CLCN7: variants seen among roughly 807,000 people sequenced by gnomAD.
The protein encoded by CLCN7 is Cl-/H+ antiporter 7, also known as H(+)/Cl(-) exchange transporter 7.
CLCN7 carries 60 observed loss-of-function variants against 102.1 expected under a neutral mutation model. The observed-to-expected ratio is 0.59, with a 90% CI of 0.48 to 0.73. CLCN7 has a LOEUF of 0.73. Ranked by LOEUF, CLCN7 falls within the 30% of genes least tolerant of loss-of-function variation. The pLI is 0.00. For synonymous variants in CLCN7, 560 were observed against 490.5 expected (o/e 1.14, Z -1.87); for missense variants, 962 against 1,125.7 (o/e 0.85, Z 2.08).
chr16:1,467,143 C>T (rs908159870), intron 1 of CLCN7, among the ~76,000 whole-genome samples: 1 of 152,154 alleles, frequency 6.6e-6, no homozygotes, highest in African/African-American at 2.4e-5. Flanking sequence ...CTCCTCTCCC[C>T]AGGCAAAGAG....
intron 16 of CLCN7, 34 bp downstream of exon 16, chr16:1,451,587 TCC>T: frequency 6.4e-7 from 1 of 1,565,260 alleles, no homozygotes; most frequent in Non-Finnish European, 8.8e-7. Flanking sequence ...CAGGCCCTGA[TCC>T]CAGGGCCTGC....
In CLCN7 at chr16:1,448,469, T is replaced by C. The variant is rs775612917; in HGVS notation, c.1899A>G (p.Thr633=). The part of the protein sequence containing the change: ...HSLTAREVMS[T]PVTCLRRREK... ...CACGCCGCCTCAGGCAGGTCACTGG[T>C]GTGCTCATCACCTCCCTGCCGGAGG... Residue 633 remains threonine, a synonymous_variant, in exon 21 of 25, where the codon ACA becomes ACG. Transcript: ENST00000382745. 4 of 1,610,664 alleles carry C rather than the reference T, an allele frequency of 2.5e-6. No homozygotes were observed. Among genetic ancestry groups the C allele is most frequent in the Admixed American group, 3.3e-5 (2 of 60,014 alleles).
intron 6 of CLCN7, 196 bp from the exon 7 acceptor site, chr16:1,459,383 G>C (rs2038895223): frequency 5.6e-6 from 3 of 532,500 alleles, no homozygotes; most frequent in Admixed American, 3.2e-5. Context: ...GGGAAGGGGA[G>C]AGCAGCGCAC....
intron 17 of CLCN7, chr16:1,450,155 C>A: frequency 2.6e-6 from 1 of 386,002 alleles, no homozygotes; most frequent in Non-Finnish European, 4.9e-6. Context: ...AGAGAGCAGC[C>A]CTGGCCGGAC....
rs557696766 is a variant in CLCN7 at position 1,463,885 on chromosome 16, C to T, written c.213+1382G>A. ...CACCTCCTGGGCTCAAGTGATCCTC[C>T]AACCTCAGCCTCCCAAGTAGCTGGG... On this transcript the variant is annotated intron_variant, in intron 2 of 24. Transcript: ENST00000382745. Among the ~76,000 whole-genome samples, 128 of 152,250 alleles carry T rather than the reference C, an allele frequency of 8.4e-4. 1 individual carries two copies. The highest frequency in any genetic ancestry group is 2.9e-3 in the African/African-American group (120 of 41,548).
At chr16:1,466,683 T>C (rs2039009611) in intron 1 of CLCN7, 1 of 152,148 alleles carries the variant, frequency 6.6e-6, no homozygotes, top group African/African-American at 2.4e-5. Context: ...CGGGGTACAG[T>C]GGCTCATGCC....
chr16:1,445,995 C>T lies in CLCN7; in HGVS notation c.*636G>A, dbSNP rs1212473317. The T allele has an allele frequency of 7.9e-6, 4 of 503,838 alleles. No homozygotes were observed. The Admixed American group carries it at 1.5e-4, about 18-fold the overall frequency. 31.2% of individuals were successfully genotyped at this position (503,838 alleles called of 1,614,324 possible). ...ACAGGGCCCGTGAGTCACCCCAGTC[C>T]TCTGGGCCTGTGTACCCAAGCCGGA... On this transcript the variant is annotated 3_prime_UTR_variant, in exon 25 of 25. Transcript: ENST00000382745.
At chr16:1,462,519 G>T (rs1265925879) in intron 2 of CLCN7, among the ~76,000 whole-genome samples, 1 of 151,448 alleles carries the variant, frequency 6.6e-6, no homozygotes, top group African/African-American at 2.4e-5. Flanking sequence ...GGGATTACAG[G>T]TGTGCACCAC....
intron 21 of CLCN7, 107 bp downstream of exon 21, chr16:1,448,248 A>C (rs2038684501): frequency 6.8e-7 from 1 of 1,462,970 alleles, no homozygotes; most frequent in Admixed American, 1.8e-5. Context: ...CTGCCAGTGC[A>C]CCCAAACGTG....
chr16:1,468,913 G>A (rs1241731126), intron 1 of CLCN7, among the ~76,000 whole-genome samples: 1 of 152,022 alleles, frequency 6.6e-6, no homozygotes, highest in Non-Finnish European at 1.5e-5. Context: ...AAAAAGGGCT[G>A]GGCACAGTGG....
Position 1,449,056 on chromosome 16 carries a change from G to A in CLCN7, c.1707C>T (p.Ile569=), listed in dbSNP as rs765883547. 1.2e-6 allele frequency: 2 copies of A among 1,612,882 alleles called. No individual in the cohort carries two copies. The highest frequency in any genetic ancestry group is 1.7e-6 in the Non-Finnish European group (2 of 1,180,018). The change falls in exon 19 of 25, where the codon ATC becomes ATT. Residue 569 remains isoleucine (I), a synonymous_variant. Transcript: ENST00000382745. ...IVRMTLSLTV[I]MMEATSNVTY... ...TCACGTTGCTGGTGGCCTCCATCAT[G>A]ATGACGGTCAGGCTCAGTGTCATCC...
chr16:1,452,432 G>C, intron 15 of CLCN7: 1 of 403,086 alleles, frequency 2.5e-6, no homozygotes, highest in Admixed American at 3.9e-5. Flanking sequence ...TGTGGACGGA[G>C]GTTTGCATTT....
At chr16:1,473,779 T>G (rs189130125) in intron 1 of CLCN7, among the ~76,000 whole-genome samples, 10 of 152,186 alleles carry the variant, frequency 6.6e-5, no homozygotes, top group Admixed American at 3.9e-4. Flanking sequence ...AAACGGTCCA[T>G]TAACTCAAAA....
intron 10 of CLCN7, 84 bp downstream of exon 10, chr16:1,456,029 G>T: frequency 8.3e-7 from 1 of 1,208,092 alleles, no homozygotes; most frequent in Non-Finnish European, 1.2e-6. Flanking sequence ...ACCCTCAGCG[G>T]GCACTGGGCC....
At position 1,448,411 on chromosome 16, in the gene CLCN7, C is replaced by T. The variant is rs765264888; in HGVS notation, c.1957G>A (p.Asp653Asn). Residue 653 changes from aspartate to asparagine, a missense_variant, in exon 21 of 25, where the codon GAC becomes AAC. Physicochemically the swap from Asp to Asn is conservative, Grantham distance 23 (BLOSUM62 1). This residue lies in a region of CLCN7 where 799 missense variants were observed against 988.0 expected (regional missense o/e 0.81). Coordinates refer to ENST00000382745, the MANE Select transcript of CLCN7 (RefSeq NM_001287.6). ...AAGCCGTTGTGATTGGACGCCGTGTCGCTCAGCACGTCCACAATGACGCCG... is the reference window on the plus strand; with the variant it reads ...AAGCCGTTGTGATTGGACGCCGTGTTGCTCAGCACGTCCACAATGACGCCG... ...KVGVIVDVLS[D>N]TASNHNGFPV... 24 of 1,612,564 alleles carry T rather than the reference C, an allele frequency of 1.5e-5. No individual in the cohort carries two copies. The highest frequency in any genetic ancestry group is 5.0e-5 in the Admixed American group (3 of 60,004).
chr16:1,459,296 C>T (rs2038891545), intron 6 of CLCN7, 109 bp from the exon 7 acceptor site: 1 of 937,286 alleles, frequency 1.1e-6, no homozygotes. Flanking sequence ...CACGTCGGGG[C>T]CTCAGGGAAG....
At chr16:1,466,147 G>A (rs112606349) in intron 1 of CLCN7, among the ~76,000 whole-genome samples, 1,780 of 152,376 alleles carry the variant, frequency 0.012, 45 homozygotes, top group African/African-American at 0.04. Context: ...TGCGCAGGGC[G>A]CCCGCCATCT....
chr16:1,468,657 G>A (rs896776659), intron 1 of CLCN7, among the ~76,000 whole-genome samples: 2 of 152,086 alleles, frequency 1.3e-5, no homozygotes, highest in Admixed American at 6.5e-5. Context: ...GGCGAGACTC[G>A]GGCCGGACGG....
At chr16:1,466,409 C>T (rs2039005555) in intron 1 of CLCN7, among the ~76,000 whole-genome samples, 1 of 152,216 alleles carries the variant, frequency 6.6e-6, no homozygotes, top group Admixed American at 6.5e-5. Flanking sequence ...GCGCCAGGAG[C>T]CCACAGGGCC....
Sources: gnomAD v4.1 joint callset for allele counts (sites outside exome capture counted in the v4.1 genomes callset) on GRCh38, gnomAD v4.1.1 for gene constraint, gnomAD v4.1.1 regional missense constraint, MANE v1.5 for transcripts, NCBI Gene and HGNC (gene_info 2026-07-23, HGNC 2026-07-21) for gene names.